Variants in EIF3A observed in about 807,000 individuals in gnomAD.
EIF3A encodes the protein eukaryotic translation initiation factor 3 subunit A.
Under a neutral mutation model 186.6 loss-of-function variants are expected in EIF3A, and 21 were observed. The ratio of observed to expected loss-of-function variants is 0.11; its 90% CI spans 0.08 to 0.16. The LOEUF is 0.16. Among genes scored for constraint, EIF3A ranks in the 10% least tolerant of loss-of-function variants. The probability of loss-of-function intolerance (pLI) is 1.00; values close to 1 mark genes in which losing one functional copy is unlikely to be tolerated. For missense variants in EIF3A, 1,306 were observed against 1,796.3 expected (o/e 0.73, Z 4.93); for synonymous variants, 563 against 584.3 (o/e 0.96, Z 0.52).
At chr10:119,050,886 A>G (rs988480578) in intron 15 of EIF3A, among the ~76,000 whole-genome samples, 11 of 152,220 alleles carry the variant, frequency 7.2e-5, no homozygotes, top group African/African-American at 2.7e-4. Flanking sequence ...ACCTACCTCC[A>G]GTGGGTTTGT....
At chr10:119,075,651 CATATATAT>C (rs5788328) in intron 1 of EIF3A, among the ~76,000 whole-genome samples, 1 of 97,064 alleles carries the variant, frequency 1.0e-5, no homozygotes, top group Non-Finnish European at 1.8e-5. Context: ...TATATATATA[CATATATAT>C]ATATATATCT....
In EIF3A at chr10:119,060,974, G is replaced by A. The variant is rs554459974; in HGVS notation, c.1228-130C>T. On this transcript the variant is annotated intron_variant, in intron 8 of 21. Coordinates refer to ENST00000369144, the MANE Select transcript of EIF3A (RefSeq NM_003750.4). ...AAAGAAATACAAAATGTATCATGAA[G>A]CTACTGATACTTGTTTGAAGGTGAC... The A allele has an allele frequency of 9.1e-5, 61 of 668,448 alleles. No homozygotes were observed. In the African/African-American group the frequency reaches 1.0e-3, roughly 11 times the overall value. 41.4% of individuals were successfully genotyped at this position (668,448 alleles called of 1,614,324 possible).
intron 13 of EIF3A, 30 bp downstream of exon 13, chr10:119,056,906 T>C: frequency 1.3e-6 from 2 of 1,580,732 alleles, no homozygotes; most frequent in African/African-American, 1.3e-5. Context: ...TAACTTGGTA[T>C]GTTAAAGGTT....
chr10:119,055,569 AAAT>A (rs914062723), intron 14 of EIF3A, among the ~76,000 whole-genome samples: 2 of 152,064 alleles, frequency 1.3e-5, no homozygotes, highest in African/African-American at 2.4e-5. Flanking sequence ...ATAAGAATAA[AAAT>A]AATAATAATA....
chr10:119,039,139 C>T (rs1486122083), intron 19 of EIF3A, among the ~76,000 whole-genome samples: 1 of 152,094 alleles, frequency 6.6e-6, no homozygotes, highest in Non-Finnish European at 1.5e-5. Flanking sequence ...TTATACCTTG[C>T]AACGTTTTCA....
intron 7 of EIF3A, among the ~76,000 whole-genome samples, chr10:119,064,280 C>T (rs1041318324): frequency 1.4e-4 from 21 of 152,154 alleles, no homozygotes; most frequent in African/African-American, 4.8e-4. Context: ...GTTCTTCAGA[C>T]ATTGAACATC....
chr10:119,057,808 A>G (rs1843813676), intron 12 of EIF3A, 148 bp downstream of exon 12: 1 of 658,202 alleles, frequency 1.5e-6, no homozygotes, highest in South Asian at 1.9e-5. Context: ...AGCAATAAAC[A>G]TATGCTTACT....
rs779555288 is a variant in EIF3A at position 119,080,694 on chromosome 10, C to T, written c.-18G>A. 3.1e-6 allele frequency: 5 copies of T among 1,587,392 alleles called. No homozygotes were observed. Among genetic ancestry groups the T allele is most frequent in the Non-Finnish European group, 4.3e-6 (5 of 1,168,268 alleles). The stretch of plus-strand genomic sequence containing the variant: ...GCCGGCATCTTGGCGGCAGGCTCAG[C>T]TCACCCGGCGTCAGCGAACTCTCTA... On this transcript the variant is annotated 5_prime_UTR_variant, in exon 1 of 22. Transcript: ENST00000369144.
chr10:119,057,717 G>C (rs1387659121), intron 12 of EIF3A, among the ~76,000 whole-genome samples: 1 of 152,196 alleles, frequency 6.6e-6, no homozygotes, highest in Admixed American at 6.5e-5. Context: ...GGAGGTTGCA[G>C]TGAGCTGAGA....
rs754371606 is a variant in EIF3A at position 119,060,723 on chromosome 10, T to C, written c.1326+23A>G. On this transcript the variant is annotated intron_variant, in intron 9 of 21. Transcript: ENST00000369144. Reference sequence around the variant, plus strand: ...TGATGAGCACATAACATCACAAAACTTTTTTTATTTTTTTATTTTTACCTG... The same window carrying C: ...TGATGAGCACATAACATCACAAAACCTTTTTTATTTTTTTATTTTTACCTG... 2.2e-5 allele frequency: 35 copies of C among 1,568,410 alleles called. No individual in the cohort carries two copies. The Admixed American group carries it at 6.7e-4, about 30-fold the overall frequency.
intron 14 of EIF3A, among the ~76,000 whole-genome samples, chr10:119,055,272 CAG>C (rs141023528): frequency 0.039 from 5,976 of 152,136 alleles, 347 homozygotes; most frequent in African/African-American, 0.12. Context: ...CAGGGAGAGA[CAG>C]AGAGTAAGGG....
At chr10:119,053,148 T>G (rs771638169) in intron 14 of EIF3A, among the ~76,000 whole-genome samples, 2 of 152,210 alleles carry the variant, frequency 1.3e-5, no homozygotes, top group Non-Finnish European at 2.9e-5. Context: ...CTTAAAATAT[T>G]CAGCAAACCA....
chr10:119,050,904 C>A (rs564995498), intron 15 of EIF3A, among the ~76,000 whole-genome samples: 1 of 152,268 alleles, frequency 6.6e-6, no homozygotes, highest in East Asian at 1.9e-4. Flanking sequence ...TGTCTTTATA[C>A]AAAATAATTC....
At chr10:119,071,550 C>T (rs1317406564) in intron 4 of EIF3A, among the ~76,000 whole-genome samples, 1 of 152,110 alleles carries the variant, frequency 6.6e-6, no homozygotes, top group African/African-American at 2.4e-5. Context: ...CTTGTTCTGT[C>T]ATTTAACTGG....
At chr10:119,060,913 CTT>C (rs367793800) in intron 8 of EIF3A, 69 bp from the exon 9 acceptor site, 21 of 939,904 alleles carry the variant, frequency 2.2e-5, no homozygotes, top group South Asian at 8.2e-5. Flanking sequence ...ATCTAAAACT[CTT>C]TTTTTTTTAA....
intron 14 of EIF3A, 98 bp downstream of exon 14, chr10:119,056,642 G>C (rs1008849937): frequency 3.8e-6 from 3 of 788,122 alleles, no homozygotes; most frequent in Admixed American, 2.4e-5. Flanking sequence ...ATTTCTAGCA[G>C]AAGAATACAA....
intron 1 of EIF3A, among the ~76,000 whole-genome samples, chr10:119,076,598 G>A (rs1401970833): frequency 6.6e-6 from 1 of 152,054 alleles, no homozygotes; most frequent in Non-Finnish European, 1.5e-5. Context: ...AAAACTTGCA[G>A]TCTTCTCCTG....
At position 119,042,040 on chromosome 10, in the gene EIF3A, CCGTCTGGGAAACCGATCATCATCAGCA is replaced by C. The variant is rs1158889818; in HGVS notation, c.3453_3479del (p.Ala1152_Arg1160del). On this transcript the variant is annotated inframe_deletion, in exon 19 of 22. Coordinates refer to ENST00000369144, the MANE Select transcript of EIF3A (RefSeq NM_003750.4). The surrounding 1 kb of genome is among the most constrained non-coding windows in gnomAD (Gnocchi z 7.8). ...AAGGACCAGGTCTTGAGTCATCACCCCGTCTGGGAAACCGATCATCATCAGCACGTCTTGAAAGGCGATCATCATCCA... is the reference window on the plus strand; with the variant it reads ...AAGGACCAGGTCTTGAGTCATCACCCCGTCTTGAAAGGCGATCATCATCCA... 20 of 1,614,182 alleles carry C rather than the reference CCGTCTGGGAAACCGATCATCATCAGCA, an allele frequency of 1.2e-5. No homozygotes were observed. Among genetic ancestry groups the C allele is most frequent in the Non-Finnish European group, 1.4e-5 (17 of 1,180,036 alleles).
At chr10:119,078,461 T>C (rs750814227) in intron 1 of EIF3A, among the ~76,000 whole-genome samples, 6 of 152,318 alleles carry the variant, frequency 3.9e-5, no homozygotes, top group African/African-American at 7.2e-5. Context: ...AAATATTACA[T>C]GTAAAACATT....
Sources: allele counts gnomAD v4.1 joint callset (sites outside exome capture counted in the v4.1 genomes callset), GRCh38; gene constraint gnomAD v4.1.1; non-coding constraint Gnocchi (gnomAD v3.1); transcripts MANE v1.5; gene names NCBI Gene and HGNC (gene_info 2026-07-23, HGNC 2026-07-21).